The following ATRNL1 variants were observed in gnomAD, a reference collection of about 807,000 sequenced individuals.
ATRNL1 encodes attractin like 1, also known as attractin-like protein 1.
Under a neutral mutation model 182.7 loss-of-function variants are expected in ATRNL1, and 95 were observed. The ratio of observed to expected loss-of-function variants is 0.52; its 90% CI spans 0.44 to 0.62. ATRNL1 has a LOEUF of 0.62. ATRNL1 is among the 20% of genes least tolerant of loss of function. The probability of loss-of-function intolerance (pLI) is 0.00; values close to 1 mark genes in which losing one functional copy is unlikely to be tolerated. For missense variants in ATRNL1, 1,471 were observed against 1,679.5 expected (o/e 0.88, Z 2.17); for synonymous variants, 576 against 568.3 (o/e 1.01, Z -0.19).
rs1029918150 is a variant in ATRNL1, at chr10:115,171,287, A to T, written c.1343A>T (p.His448Leu). The change falls in exon 8 of 29, where the codon CAT becomes CTT. Residue 448 changes from histidine (H) to leucine (L), a missense_variant. Transcript: ENST00000355044. Reference sequence around the variant, plus strand: ...TATACAAGCAGCATACAGGAATACCATATCTGTGAGTTACTTAAAAATTGT... The same window carrying T: ...TATACAAGCAGCATACAGGAATACCTTATCTGTGAGTTACTTAAAAATTGT... ...YGYTSSIQEY[H>L]ISSNTWLVPE... 6.4e-7 allele frequency: 1 copy of T among 1,567,470 alleles called. No homozygotes were observed. Among genetic ancestry groups the T allele is most frequent in the East Asian group, 2.3e-5 (1 of 43,760 alleles).
intron 8 of ATRNL1, among the ~76,000 whole-genome samples, chr10:115,178,364 G>A (rs1554887225): frequency 1.3e-5 from 2 of 152,116 alleles, no homozygotes; most frequent in Non-Finnish European, 2.9e-5. Flanking sequence ...TCAGCTTGCA[G>A]TAAAGGTTCC....
intron 28 of ATRNL1, among the ~76,000 whole-genome samples, chr10:115,856,749 C>T (rs1337125830): frequency 2.0e-5 from 3 of 152,080 alleles, no homozygotes; most frequent in South Asian, 4.1e-4. Context: ...TCCGCTGATC[C>T]GACAGGAGGC....
intron 17 of ATRNL1, among the ~76,000 whole-genome samples, chr10:115,310,345 G>C (rs74878909): frequency 2.6e-5 from 4 of 151,938 alleles, no homozygotes; most frequent in Non-Finnish European, 5.9e-5. Context: ...TGTGATACTG[G>C]CTTCATAGAA....
At chr10:115,782,889 G>GT (rs1157675841) in intron 27 of ATRNL1, among the ~76,000 whole-genome samples, 1 of 152,184 alleles carries the variant, frequency 6.6e-6, no homozygotes, top group Non-Finnish European at 1.5e-5. Flanking sequence ...GGACAGGACA[G>GT]TTATGAAAGA....
At chr10:115,901,820 T>G (rs1952362616) in intron 28 of ATRNL1, among the ~76,000 whole-genome samples, 1 of 151,210 alleles carries the variant, frequency 6.6e-6, no homozygotes, top group African/African-American at 2.4e-5. Flanking sequence ...TGTTTTGAAC[T>G]ATCATTTTTT....
intron 26 of ATRNL1, among the ~76,000 whole-genome samples, chr10:115,635,679 A>C (rs1555027854): frequency 6.6e-6 from 1 of 152,160 alleles, no homozygotes; most frequent in African/African-American, 2.4e-5. Flanking sequence ...ACCACCATAC[A>C]AGTATGCTCA....
At chr10:115,219,675 G>A (rs186642549) in intron 9 of ATRNL1, among the ~76,000 whole-genome samples, 57 of 152,280 alleles carry the variant, frequency 3.7e-4, no homozygotes, top group Middle Eastern at 3.4e-3. Context: ...GGCAGAGGCA[G>A]GTGGATTGCT....
In ATRNL1 at chr10:115,652,803, A is replaced by T. The variant is rs192683503; in HGVS notation, c.3796-74445A>T. ...TTTATTTAAATTTTACTTGGATAAAAAGAATTTTTCTGAGGTTATCTTATG... is the reference window on the plus strand; with the variant it reads ...TTTATTTAAATTTTACTTGGATAAATAGAATTTTTCTGAGGTTATCTTATG... On this transcript the variant is annotated intron_variant, in intron 26 of 28. Transcript: ENST00000355044. 7.2e-5 allele frequency among the ~76,000 whole-genome samples: 11 copies of T among 152,224 alleles called. No individual in the cohort carries two copies. In the East Asian group the frequency reaches 1.9e-3, roughly 27 times the overall value.
intron 26 of ATRNL1, among the ~76,000 whole-genome samples, chr10:115,655,829 A>G (rs2133891297): frequency 6.6e-6 from 1 of 152,314 alleles, no homozygotes; most frequent in Admixed American, 6.5e-5. Flanking sequence ...TAGGGTCAAT[A>G]TATTTTCTTT....
At chr10:115,640,428 G>T (rs1341458390) in intron 26 of ATRNL1, among the ~76,000 whole-genome samples, 1 of 152,046 alleles carries the variant, frequency 6.6e-6, no homozygotes, top group Non-Finnish European at 1.5e-5. Flanking sequence ...CCACATCCTT[G>T]CCAGCCTCTG....
intron 5 of ATRNL1, among the ~76,000 whole-genome samples, chr10:115,157,653 A>G (rs1342318603): frequency 6.6e-6 from 1 of 152,170 alleles, no homozygotes; most frequent in Admixed American, 6.6e-5. Flanking sequence ...TCCCTCTCTT[A>G]TAAGGACACC....
At chr10:115,526,761 G>A (rs1554986656) in intron 25 of ATRNL1, among the ~76,000 whole-genome samples, 1 of 152,084 alleles carries the variant, frequency 6.6e-6, no homozygotes, top group East Asian at 1.9e-4. Flanking sequence ...CTTCTGTGAG[G>A]GGAAATTGGG....
chr10:115,202,137 G>A (rs1158871873), intron 8 of ATRNL1, among the ~76,000 whole-genome samples: 11 of 150,356 alleles, frequency 7.3e-5, no homozygotes, highest in East Asian at 2.0e-4. Context: ...TTGGGCTGAG[G>A]CAATGGGGTT....
chr10:115,261,111 T>C lies in ATRNL1; in HGVS notation c.1688-4082T>C, dbSNP rs368904357. Among the ~76,000 whole-genome samples, 122 of 151,554 alleles carry C rather than the reference T, an allele frequency of 8.0e-4. 2 individuals carry two copies. In the South Asian group the frequency reaches 0.025, roughly 31 times the overall value. ...AAAACTTATATAGAGAGAAAAGAAATAGGACAAATAAATCATGAGACTTGA... is the reference window on the plus strand; with the variant it reads ...AAAACTTATATAGAGAGAAAAGAAACAGGACAAATAAATCATGAGACTTGA... On this transcript the variant is annotated intron_variant, in intron 10 of 28. Coordinates refer to ENST00000355044, the MANE Select transcript of ATRNL1 (RefSeq NM_207303.4).
intron 24 of ATRNL1, among the ~76,000 whole-genome samples, chr10:115,511,366 T>C (rs1462524005): frequency 1.3e-5 from 2 of 152,080 alleles, no homozygotes; most frequent in South Asian, 2.1e-4. Flanking sequence ...ACAGCCCGAT[T>C]GTCTTTAAGA....
intron 26 of ATRNL1, among the ~76,000 whole-genome samples, chr10:115,659,332 A>C (rs1860529620): frequency 6.6e-6 from 1 of 152,024 alleles, no homozygotes; most frequent in South Asian, 2.1e-4. Flanking sequence ...CCTCTTAGGC[A>C]CTGACTGATA....
chr10:115,759,287 A>G (rs1555072902), intron 27 of ATRNL1, among the ~76,000 whole-genome samples: 1 of 152,162 alleles, frequency 6.6e-6, no homozygotes, highest in African/African-American at 2.4e-5. Flanking sequence ...ACTAGTGAAT[A>G]CATATTTGGG....
chr10:115,305,614 C>A (rs1468104675), intron 17 of ATRNL1, among the ~76,000 whole-genome samples: 1 of 152,158 alleles, frequency 6.6e-6, no homozygotes, highest in Non-Finnish European at 1.5e-5. Flanking sequence ...CGCACCTTCT[C>A]CTGCCTCAAT....
At chr10:115,884,020 T>A (rs1223735308) in intron 28 of ATRNL1, among the ~76,000 whole-genome samples, 2 of 152,222 alleles carry the variant, frequency 1.3e-5, no homozygotes, top group East Asian at 3.8e-4. Flanking sequence ...TGCGTGCATT[T>A]AGATATGGGC....
Sources: allele counts gnomAD v4.1 joint callset (sites outside exome capture counted in the v4.1 genomes callset), GRCh38; gene constraint gnomAD v4.1.1; transcripts MANE v1.5; gene names NCBI Gene and HGNC (gene_info 2026-07-23, HGNC 2026-07-21).